Variants in CCR9 observed in about 807,000 individuals in gnomAD.
CCR9 encodes C-C chemokine receptor type 9.
In CCR9, 4 loss-of-function variants were observed where a neutral mutation model predicts 8.7. That is an observed-to-expected ratio of 0.46 (90% confidence interval 0.23 to 1.06). The LOEUF (loss-of-function observed/expected upper bound fraction) is 1.06, where lower values mean the gene tolerates loss of function less well. Among genes scored for constraint, CCR9 ranks in the 50% least tolerant of loss-of-function variants. The probability of loss-of-function intolerance (pLI) is 0.21; values close to 1 mark genes in which losing one functional copy is unlikely to be tolerated. For missense variants in CCR9, 394 were observed against 453.6 expected (o/e 0.87, Z 1.19); for synonymous variants, 159 against 168.8 (o/e 0.94, Z 0.45).
At position 45,901,691 on chromosome 3, in the gene CCR9, C is replaced by T. The variant is rs1702564100; in HGVS notation, c.903C>T (p.Val301=). 1 of 1,614,074 alleles carries T rather than the reference C, an allele frequency of 6.2e-7. No homozygotes were observed. Among genetic ancestry groups the T allele is most frequent in the African/African-American group, 1.3e-5 (1 of 75,054 alleles). Residue 301 remains valine, a synonymous_variant, in exon 3 of 3, where the codon GTC becomes GTT. Coordinates refer to ENST00000357632, the MANE Select transcript of CCR9 (RefSeq NM_031200.3). The surrounding 1 kb of genome is among the most constrained non-coding windows in gnomAD (Gnocchi z 4.3). ...CCAACATTGACATCTGCTTCCAGGT[C>T]ACCCAGACCATCGCCTTCTTCCACA... ...VSTNIDICFQ[V]TQTIAFFHSC... is the part of the protein sequence containing the mutation.
intron 2 of CCR9, among the ~76,000 whole-genome samples, chr3:45,899,128 T>C (rs1210201240): frequency 1.3e-5 from 2 of 152,216 alleles, no homozygotes; most frequent in Non-Finnish European, 2.9e-5. Context: ...ATGGCGCCAT[T>C]GCACTCCAGC....
intron 2 of CCR9, among the ~76,000 whole-genome samples, chr3:45,899,417 TAA>T (rs1320399208): frequency 6.6e-6 from 1 of 152,230 alleles, no homozygotes. Context: ...TATTTAAATA[TAA>T]ACATTCAAGT....
At chr3:45,887,729 G>A (rs1446411044) in intron 1 of CCR9, among the ~76,000 whole-genome samples, 2 of 152,242 alleles carry the variant, frequency 1.3e-5, no homozygotes, top group Non-Finnish European at 2.9e-5. Context: ...GCCTCTTTGT[G>A]TAGGCCTCAC....
At chr3:45,897,993 A>AAAC (rs1702418533) in intron 2 of CCR9, among the ~76,000 whole-genome samples, 1 of 146,270 alleles carries the variant, frequency 6.8e-6, no homozygotes, top group Non-Finnish European at 1.5e-5. Context: ...AAAAAAAAAA[A>AAAC]CACACAAAAC....
chr3:45,901,639 T>C lies in CCR9; in HGVS notation c.851T>C (p.Met284Thr), dbSNP rs748024359. The C allele has an allele frequency of 3.1e-6, 5 of 1,614,054 alleles. No homozygotes were observed. Among genetic ancestry groups the C allele is most frequent in the African/African-American group, 2.7e-5 (2 of 74,946 alleles). Residue 284 changes from methionine (M) to threonine (T), a missense_variant, in exon 3 of 3, where the codon ATG (methionine) becomes ACG (threonine). Transcript: ENST00000357632. The surrounding 1 kb of genome is among the most constrained non-coding windows in gnomAD (Gnocchi z 4.3). ...LLVQTIDAYAMFISNCAVSTN... is the reference protein window; with the variant it reads ...LLVQTIDAYATFISNCAVSTN... ...GTGCAGACCATTGACGCCTATGCCA[T>C]GTTCATCTCCAACTGTGCCGTTTCC...
At chr3:45,897,274 C>A (rs1479757839) in intron 2 of CCR9, among the ~76,000 whole-genome samples, 1 of 152,146 alleles carries the variant, frequency 6.6e-6, no homozygotes, top group Admixed American at 6.5e-5. Flanking sequence ...GTGGTCCTGA[C>A]AAATTTTATA....
At chr3:45,897,199 T>A (rs1191178981) in intron 2 of CCR9, among the ~76,000 whole-genome samples, 1 of 152,194 alleles carries the variant, frequency 6.6e-6, no homozygotes, top group African/African-American at 2.4e-5. Context: ...CTAAGATCCA[T>A]CAGGCATGTG....
At position 45,900,943 on chromosome 3, in the gene CCR9, C is replaced by T; in HGVS notation, c.155C>T (p.Pro52Leu). The change falls in exon 3 of 3, where the codon CCA becomes CTA. Residue 52 changes from proline (P) to leucine (L), a missense_variant. Physicochemically the swap from Pro to Leu is moderately conservative, Grantham distance 98. Transcript: ENST00000357632. The surrounding 1 kb of genome is among the most constrained non-coding windows in gnomAD (Gnocchi z 4.7). Reference sequence around the variant, plus strand: ...AGGCAGTTTGCGAGCCATTTCCTCCCACCCTTGTACTGGCTCGTGTTCATC... The same window carrying T: ...AGGCAGTTTGCGAGCCATTTCCTCCTACCCTTGTACTGGCTCGTGTTCATC... ...NVRQFASHFL[P>L]PLYWLVFIVG... The T allele has an allele frequency of 6.2e-7, 1 of 1,614,232 alleles. No homozygotes were observed.
At chr3:45,888,990 G>A (rs892516600) in intron 1 of CCR9, among the ~76,000 whole-genome samples, 4 of 152,048 alleles carry the variant, frequency 2.6e-5, no homozygotes, top group African/African-American at 9.7e-5. Flanking sequence ...TATACTATTT[G>A]TTTATTTATT....
chr3:45,901,814 G>C lies in CCR9; in HGVS notation c.1026G>C (p.Gln342His), dbSNP rs1254983213. The C allele has an allele frequency of 6.2e-7, 1 of 1,614,000 alleles. No homozygotes were observed. Among genetic ancestry groups the C allele is most frequent in the Non-Finnish European group, 8.5e-7 (1 of 1,179,976 alleles). ...ACTTGGGTTGCATCAGCCAGGCCCAGTGGGTTTCATTTACAAGGAGAGAGG... is the reference window on the plus strand; with the variant it reads ...ACTTGGGTTGCATCAGCCAGGCCCACTGGGTTTCATTTACAAGGAGAGAGG... ...LKNLGCISQA[Q>H]WVSFTRREGS... The change falls in exon 3 of 3, where the codon CAG becomes CAC. Residue 342 changes from glutamine to histidine, a missense_variant. Physicochemically the swap from Gln to His is conservative, Grantham distance 24 (BLOSUM62 0). Transcript: ENST00000357632. This position sits in a 1 kb window ranked among gnomAD's most constrained non-coding sequence, Gnocchi z 4.3.
intron 2 of CCR9, 70 bp downstream of exon 2, chr3:45,895,024 A>G (rs2125750669): frequency 6.9e-7 from 1 of 1,456,396 alleles, no homozygotes; most frequent in East Asian, 2.3e-5. Flanking sequence ...GGGTGTGGGA[A>G]GGATCCACTG....
intron 2 of CCR9, among the ~76,000 whole-genome samples, chr3:45,898,966 G>A (rs1011123933): frequency 7.9e-5 from 12 of 152,164 alleles, no homozygotes; most frequent in Non-Finnish European, 1.5e-4. Context: ...AGAAGTTCGA[G>A]ACCAGCCTGA....
intron 2 of CCR9, chr3:45,897,562 C>A: frequency 1.3e-6 from 2 of 1,534,092 alleles, no homozygotes; most frequent in Non-Finnish European, 1.7e-6. Flanking sequence ...CTCCTGCAGT[C>A]TCCTCCAGGC....
intron 2 of CCR9, chr3:45,897,508 G>A (rs1045507079): frequency 5.0e-6 from 6 of 1,200,776 alleles, no homozygotes; most frequent in Middle Eastern, 1.9e-4. Context: ...GAGAAAGCTG[G>A]GTCACCCAGG....
intron 2 of CCR9, among the ~76,000 whole-genome samples, chr3:45,896,109 G>A (rs1301893952): frequency 1.3e-5 from 2 of 152,154 alleles, no homozygotes; most frequent in Non-Finnish European, 2.9e-5. Flanking sequence ...AATTAATTTG[G>A]TCCTGGTGAA....
Position 45,893,845 on chromosome 3 carries a change from A to G in CCR9, c.-28-1061A>G, listed in dbSNP as rs143446086. Among the ~76,000 whole-genome samples, 295 of 152,360 alleles carry G rather than the reference A, an allele frequency of 1.9e-3. 3 individuals are homozygous for G. The highest frequency in any genetic ancestry group is 0.01 in the Middle Eastern group (3 of 294). ...ACTGGATCACATGGTGAGTGCATGT[A>G]TAACGTCTTAAGAAACTGCCAGTTT... On this transcript the variant is annotated intron_variant, in intron 1 of 2. Transcript: ENST00000357632.
intron 1 of CCR9, among the ~76,000 whole-genome samples, chr3:45,891,103 CA>C (rs1237957704): frequency 2.0e-5 from 3 of 152,060 alleles, no homozygotes; most frequent in African/African-American, 4.8e-5. Flanking sequence ...ACTTTTGTAA[CA>C]AAAAAAGTCA....
intron 1 of CCR9, among the ~76,000 whole-genome samples, chr3:45,892,191 A>G (rs989730409): frequency 2.0e-5 from 3 of 152,230 alleles, no homozygotes; most frequent in African/African-American, 7.2e-5. Flanking sequence ...ATACATATAC[A>G]TATACAAATT....
intron 1 of CCR9, among the ~76,000 whole-genome samples, chr3:45,892,515 C>T (rs1227450992): frequency 6.6e-6 from 1 of 151,996 alleles, no homozygotes; most frequent in Non-Finnish European, 1.5e-5. Flanking sequence ...ATGTTGAGTA[C>T]ATATGGACAC....
Sources: gnomAD v4.1 joint callset for allele counts (sites outside exome capture counted in the v4.1 genomes callset) on GRCh38, gnomAD v4.1.1 for gene constraint, Gnocchi (gnomAD v3.1) non-coding constraint, MANE v1.5 for transcripts, NCBI Gene and HGNC (gene_info 2026-07-23, HGNC 2026-07-21) for gene names.